POLA1: variants seen among roughly 807,000 people sequenced by gnomAD.
The protein encoded by POLA1 is DNA polymerase alpha catalytic subunit.
A neutral mutation model predicts 124.0 loss-of-function variants in POLA1; 15 were observed. The ratio of observed to expected loss-of-function variants is 0.12; its 90% CI spans 0.08 to 0.19. The LOEUF is 0.19. Ranked by LOEUF, POLA1 falls within the 10% of genes least tolerant of loss-of-function variation. The pLI, the probability that POLA1 is intolerant of heterozygous loss-of-function variation, is 1.00. For missense variants in POLA1, 886 were observed against 1,103.4 expected (o/e 0.80, Z 2.79); for synonymous variants, 408 against 389.4 (o/e 1.05, Z -0.56).
At chrX:24,867,931 CTTGTTAGTAAG>C (rs2046815452) in intron 34 of POLA1, among the ~76,000 whole-genome samples, 1 of 111,644 alleles carries the variant, frequency 9.0e-6, no homozygotes, top group Admixed American at 9.5e-5. Context: ...ATGATGATAC[CTTGTTAGTAAG>C]AAACTTTATT....
chrX:24,739,918 C>T (rs1239039564), intron 20 of POLA1, among the ~76,000 whole-genome samples: 1 of 111,797 alleles, frequency 8.9e-6, no homozygotes, highest in Non-Finnish European at 1.9e-5. Flanking sequence ...GGCCATCTCT[C>T]ATTCATTCCT....
chrX:24,951,662 A>G (rs1038778531), intron 36 of POLA1, among the ~76,000 whole-genome samples: 18 of 111,187 alleles, frequency 1.6e-4, no homozygotes, highest in Non-Finnish European at 1.9e-5. Context: ...CTGTGTCCCT[A>G]TAAGGGTCTT....
intron 36 of POLA1, among the ~76,000 whole-genome samples, chrX:24,930,843 G>GC (rs2047765709): frequency 8.9e-6 from 1 of 112,530 alleles, no homozygotes; most frequent in Non-Finnish European, 1.9e-5. Flanking sequence ...ATTTTCTACA[G>GC]AGTTTAGTAA....
chrX:24,994,802 C>A (rs1332278986), intron 36 of POLA1, among the ~76,000 whole-genome samples: 1 of 111,392 alleles, frequency 9.0e-6, no homozygotes, highest in Non-Finnish European at 1.9e-5. Flanking sequence ...AGACACCTTA[C>A]CAGGTTCCTG....
At chrX:24,816,735 T>C (rs1369973869) in intron 30 of POLA1, among the ~76,000 whole-genome samples, 1 of 111,682 alleles carries the variant, frequency 9.0e-6, no homozygotes, top group Non-Finnish European at 1.9e-5. Flanking sequence ...AGGGATGAGT[T>C]TGGGAGTGTC....
At chrX:24,966,988 A>C (rs1383962361) in intron 36 of POLA1, among the ~76,000 whole-genome samples, 2 of 111,991 alleles carry the variant, frequency 1.8e-5, no homozygotes, top group Non-Finnish European at 3.8e-5. Context: ...TCAATTTAAT[A>C]ACATTTTGGT....
In POLA1 at chrX:24,985,277, T is replaced by C. The variant is rs186878364; in HGVS notation, c.4262-10528T>C. 4.4e-5 allele frequency among the ~76,000 whole-genome samples: 5 copies of C among 113,037 alleles called. No homozygotes were observed. In the East Asian group the frequency reaches 1.4e-3, roughly 31 times the overall value. On this transcript the variant is annotated intron_variant, in intron 36 of 36. Coordinates refer to ENST00000379068, the MANE Select transcript of POLA1 (RefSeq NM_001330360.2). The stretch of plus-strand genomic sequence containing the variant: ...CTATTCAACTTCTCCACAGTAGCCA[T>C]AGATAACACAGAAACAAATGGGCAT...
intron 26 of POLA1, among the ~76,000 whole-genome samples, chrX:24,761,233 G>A (rs1002044476): frequency 8.9e-6 from 1 of 111,958 alleles, no homozygotes; most frequent in African/African-American, 3.3e-5. Flanking sequence ...TTTGACAAAA[G>A]ATTTGCTGTT....
rs776330782 is a variant in POLA1 at position 24,723,191 on chromosome X, C to T, written c.1124C>T (p.Ser375Leu). Reference sequence around the variant, plus strand: ...CTGTTTGGGAAAGTTTGGATTGAATCAGCCGAGACCCATGTGAGCTGTTGT... The same window carrying T: ...CTGTTTGGGAAAGTTTGGATTGAATTAGCCGAGACCCATGTGAGCTGTTGT... ...VFLFGKVWIESAETHVSCCVM... is the reference protein window; with the variant it reads ...VFLFGKVWIELAETHVSCCVM... The change falls in exon 11 of 37, where the codon TCA becomes TTA. Residue 375 changes from serine to leucine, a missense_variant. Transcript: ENST00000379068. The T allele has an allele frequency of 1.0e-5, 12 of 1,205,653 alleles. No individual in the cohort carries two copies. In the Admixed American group the frequency reaches 2.0e-4, roughly 20 times the overall value.
At chrX:24,878,178 A>G (rs2046959911) in intron 34 of POLA1, among the ~76,000 whole-genome samples, 1 of 111,175 alleles carries the variant, frequency 9.0e-6, no homozygotes, top group Non-Finnish European at 1.9e-5. Context: ...AATTAAAGTT[A>G]AATGAACAAA....
intron 36 of POLA1, among the ~76,000 whole-genome samples, chrX:24,961,553 G>A (rs2048167934): frequency 9.0e-6 from 1 of 110,585 alleles, no homozygotes; most frequent in African/African-American, 3.3e-5. Context: ...AAGCACACCT[G>A]ATTTATTTCC....
chrX:24,724,998 G>C (rs111476969), intron 12 of POLA1, among the ~76,000 whole-genome samples: 36 of 111,022 alleles, frequency 3.2e-4, no homozygotes, highest in African/African-American at 1.1e-3. Context: ...GAAGGATTGA[G>C]TTGCTGAAGA....
intron 36 of POLA1, among the ~76,000 whole-genome samples, chrX:24,949,560 A>G (rs1222544504): frequency 1.9e-5 from 2 of 105,795 alleles, no homozygotes; most frequent in Non-Finnish European, 3.9e-5. Flanking sequence ...TCCCTTCCCA[A>G]TAAAAAAAGA....
At chrX:24,704,080 T>G (rs1928644529) in intron 3 of POLA1, among the ~76,000 whole-genome samples, 1 of 112,200 alleles carries the variant, frequency 8.9e-6, no homozygotes, top group Admixed American at 9.5e-5. Flanking sequence ...TTCTTTTACT[T>G]TTTATTCTTC....
At chrX:24,938,266 A>G (rs1046678522) in intron 36 of POLA1, among the ~76,000 whole-genome samples, 9 of 111,691 alleles carry the variant, frequency 8.1e-5, no homozygotes, top group Admixed American at 9.5e-5. Context: ...AAGTAAAAAA[A>G]TTAGCCAGGC....
At chrX:24,697,231 G>T (rs960733656) in intron 1 of POLA1, among the ~76,000 whole-genome samples, 3 of 111,349 alleles carry the variant, frequency 2.7e-5, no homozygotes, top group Non-Finnish European at 5.7e-5. Flanking sequence ...GTGGGACGTT[G>T]CCTGTGTAGT....
rs1389469107 is a variant in POLA1 at position 24,830,098 on chromosome X, A to G, written c.3736+3497A>G. Among the ~76,000 whole-genome samples, 22 of 112,388 alleles carry G rather than the reference A, an allele frequency of 2.0e-4. No individual in the cohort carries two copies. In the Admixed American group the frequency reaches 2.1e-3, roughly 11 times the overall value. On this transcript the variant is annotated intron_variant, in intron 32 of 36. Transcript: ENST00000379068. ...AGTTAGTACAAAGAAATCAGGAATA[A>G]TGGCATAATTTCATTTAGGAAAATT...
intron 36 of POLA1, among the ~76,000 whole-genome samples, chrX:24,983,928 C>CTCCCCCAAAACTCCCTGCT (rs2048450850): frequency 9.0e-6 from 1 of 111,383 alleles, no homozygotes; most frequent in Admixed American, 9.5e-5. Flanking sequence ...TACTACCTGC[C>CTCCCCCAAAACTCCCTGCT]TCCCCCAAAA....
At chrX:24,854,068 C>T (rs1206987632) in intron 34 of POLA1, among the ~76,000 whole-genome samples, 2 of 111,494 alleles carry the variant, frequency 1.8e-5, no homozygotes, top group African/African-American at 6.5e-5. Context: ...TGTTTTGAGA[C>T]GGAGTCTCAC....
Sources: allele counts gnomAD v4.1 joint callset (sites outside exome capture counted in the v4.1 genomes callset), GRCh38; gene constraint gnomAD v4.1.1; transcripts MANE v1.5; gene names NCBI Gene and HGNC (gene_info 2026-07-23, HGNC 2026-07-21).